GSPT1: variants seen among roughly 807,000 people sequenced by gnomAD.
The protein encoded by GSPT1 is eukaryotic peptide chain release factor GTP-binding subunit ERF3A.
In GSPT1, 20 loss-of-function variants were observed where a neutral mutation model predicts 72.5. That is an observed-to-expected ratio of 0.28 (90% CI 0.19 to 0.40). The LOEUF (loss-of-function observed/expected upper bound fraction) is 0.40, where lower values mean the gene tolerates loss of function less well. Among genes scored for constraint, GSPT1 ranks in the 10% least tolerant of loss-of-function variants. The probability of loss-of-function intolerance (pLI) is 1.00; values close to 1 mark genes in which losing one functional copy is unlikely to be tolerated. For synonymous variants in GSPT1, 334 were observed against 293.5 expected, an observed-to-expected ratio of 1.14 and a Z score of -1.41; for missense variants, 580 against 811.9, an observed-to-expected ratio of 0.71 and a Z score of 3.47.
intron 7 of GSPT1, 87 bp from the exon 8 acceptor site, chr16:11,887,018 CGAG>C: frequency 1.3e-6 from 1 of 796,208 alleles, no homozygotes; most frequent in Non-Finnish European, 1.8e-6. Context: ...AGTTATATCA[CGAG>C]TTTTTTTTTT....
Position 11,915,448 on chromosome 16 carries a change from C to A in GSPT1, c.273G>T (p.Arg91=). 6.5e-7 allele frequency: 1 copy of A among 1,542,368 alleles called. No homozygotes were observed. Among genetic ancestry groups the A allele is most frequent in the Non-Finnish European group, 8.7e-7 (1 of 1,146,930 alleles). The stretch of plus-strand genomic sequence containing the variant: ...CTGGGGGTGGCGGCGCTGCCGGGCC[C>A]CGCAGGAAGGACGGCACGAACTCGG... ...HAAEFVPSFL[R]GPAAPPPPVG... Residue 91 remains arginine (R), a synonymous_variant, in exon 1 of 15, where the codon CGG becomes CGT. Coordinates refer to ENST00000434724, the MANE Select transcript of GSPT1 (RefSeq NM_002094.4).
chr16:11,909,966 T>A (rs2054537343), intron 1 of GSPT1, among the ~76,000 whole-genome samples: 1 of 151,956 alleles, frequency 6.6e-6, no homozygotes, highest in Non-Finnish European at 1.5e-5. Flanking sequence ...GGCGTCATGG[T>A]GGGTGCCTAT....
intron 6 of GSPT1, among the ~76,000 whole-genome samples, chr16:11,890,119 C>T (rs2054240065): frequency 6.6e-6 from 1 of 151,666 alleles, no homozygotes; most frequent in Non-Finnish European, 1.5e-5. Flanking sequence ...TGCCACCTTG[C>T]CCAGCTAATT....
chr16:11,903,967 T>G (rs1271572208), intron 1 of GSPT1: 1 of 205,548 alleles, frequency 4.9e-6, no homozygotes, highest in East Asian at 1.2e-4. Flanking sequence ...CTGCTCAAAA[T>G]CTCATAATTT....
chr16:11,916,444 C>A (rs1292324109), upstream of GSPT1, among the ~76,000 whole-genome samples: 5 of 152,192 alleles, frequency 3.3e-5, no homozygotes, highest in African/African-American at 1.2e-4. Context: ...CCCGAAAATT[C>A]TTGTACTCTC....
intron 6 of GSPT1, among the ~76,000 whole-genome samples, chr16:11,889,632 C>T (rs535728329): frequency 1.6e-4 from 25 of 151,962 alleles, no homozygotes; most frequent in African/African-American, 2.7e-4. Flanking sequence ...CTCAGCCCCC[C>T]GAGTAGCTGG....
chr16:11,888,173 T>C (rs1038141465), intron 6 of GSPT1, among the ~76,000 whole-genome samples: 1 of 144,964 alleles, frequency 6.9e-6, no homozygotes, highest in Non-Finnish European at 1.5e-5. Flanking sequence ...ACAAAGAAAT[T>C]GAAAGAATAG....
chr16:11,915,304 C>G, intron 1 of GSPT1, 65 bp downstream of exon 1: 9 of 1,358,010 alleles, frequency 6.6e-6, no homozygotes, highest in Non-Finnish European at 8.5e-6. Flanking sequence ...GCCCCCGGAC[C>G]GCACCCCTAC....
In GSPT1 at chr16:11,897,990, T is replaced by G. The variant is rs1438070981; in HGVS notation, c.394+4A>C. 3 of 1,546,036 alleles carry G rather than the reference T, an allele frequency of 1.9e-6. No individual in the cohort carries two copies. The highest frequency in any genetic ancestry group is 2.6e-6 in the Non-Finnish European group (3 of 1,139,614). Reference sequence around the variant, plus strand: ...AAGTAGACTTTCAAAGAGTACATCATTACCTTCACACAATGACTGTTCCTC... The same window carrying G: ...AAGTAGACTTTCAAAGAGTACATCAGTACCTTCACACAATGACTGTTCCTC... On this transcript the variant is annotated splice_donor_region_variant and intron_variant, in intron 2 of 14. Transcript: ENST00000434724.
rs1445111229 is a variant in GSPT1 at position 11,877,602 on chromosome 16, G to C, written c.1429-22C>G. 1 of 1,507,698 alleles carries C rather than the reference G, an allele frequency of 6.6e-7. No homozygotes were observed. 93.4% of individuals were successfully genotyped at this position (1,507,698 alleles called of 1,614,324 possible). A position where few individuals can be genotyped will look rare whatever the true frequency, so the allele number is the denominator to read the frequency against. On this transcript the variant is annotated intron_variant, in intron 11 of 14. Transcript: ENST00000434724. This position sits in a 1 kb window ranked among gnomAD's most constrained non-coding sequence, Gnocchi z 4.0. Reference sequence around the variant, plus strand: ...TGTGCTTTAAAAGAAAACAAGACTGGAGGTTTTCTGACACATTCACTGCAT... The same window carrying C: ...TGTGCTTTAAAAGAAAACAAGACTGCAGGTTTTCTGACACATTCACTGCAT...
At chr16:11,888,231 C>G (rs1421663418) in intron 6 of GSPT1, among the ~76,000 whole-genome samples, 1 of 152,052 alleles carries the variant, frequency 6.6e-6, no homozygotes, top group African/African-American at 2.4e-5. Context: ...TTTGGGAGGC[C>G]GAGGCTGGCA....
chr16:11,901,850 C>G (rs903370976), intron 1 of GSPT1, among the ~76,000 whole-genome samples: 1 of 151,438 alleles, frequency 6.6e-6, no homozygotes, highest in South Asian at 2.1e-4. Context: ...AATCCCAGCA[C>G]TTCTGGAGGT....
At chr16:11,892,948 G>C (rs1211692015) in intron 5 of GSPT1, among the ~76,000 whole-genome samples, 1 of 151,070 alleles carries the variant, frequency 6.6e-6, no homozygotes, top group Non-Finnish European at 1.5e-5. Context: ...CCAGTAATAA[G>C]GAAGTTTTGA....
At position 11,915,015 on chromosome 16, in the gene GSPT1, C is replaced by T. The variant is rs143065056; in HGVS notation, c.352+354G>A. The T allele has an allele frequency of 1.0e-4, 131 of 1,289,964 alleles. No individual in the cohort carries two copies. The East Asian group carries it at 4.9e-3, about 48-fold the overall frequency. The allele number at this position is 1,289,964 out of a possible 1,614,324, so 79.9% of individuals were successfully genotyped here. On this transcript the variant is annotated intron_variant, in intron 1 of 14. Transcript: ENST00000434724. Reference sequence around the variant, plus strand: ...CAAATGACTCCTGGCTCCATCTGTCCTCATTCTGCGCCTCGTGGCAGGGAT... The same window carrying T: ...CAAATGACTCCTGGCTCCATCTGTCTTCATTCTGCGCCTCGTGGCAGGGAT...
chr16:11,894,156 A>C (rs886570039), intron 5 of GSPT1, among the ~76,000 whole-genome samples: 1 of 2,774 alleles, frequency 3.6e-4, no homozygotes, highest in African/African-American at 6.4e-4. Context: ...ACCCTATCTC[A>C]AAAAAAAAAA....
intron 10 of GSPT1, among the ~76,000 whole-genome samples, chr16:11,883,844 C>T (rs1487539466): frequency 6.7e-6 from 1 of 150,178 alleles, no homozygotes; most frequent in African/African-American, 2.5e-5. Flanking sequence ...ACCCAGGAGG[C>T]GGAGGTTGCA....
chr16:11,875,166 G>C (rs1056102580), intron 14 of GSPT1, among the ~76,000 whole-genome samples: 2 of 152,062 alleles, frequency 1.3e-5, no homozygotes, highest in African/African-American at 4.8e-5. Flanking sequence ...TCCAGCCTGG[G>C]TGACAGATCG....
intron 5 of GSPT1, among the ~76,000 whole-genome samples, chr16:11,893,040 G>A (rs929201886): frequency 4.0e-5 from 6 of 151,720 alleles, no homozygotes; most frequent in Non-Finnish European, 7.4e-5. Context: ...CAACCATTCC[G>A]TAAATCTAAA....
chr16:11,915,382 C>A lies in GSPT1; in HGVS notation c.339G>T (p.Ala113=), dbSNP rs775853841. ...AANNHGAGSG[A]GGRAAPVESS... ...CCGGGCCTTTACCCGCACGGCCTCCCGCGCCGCTGCCGGCTCCGTGGTTAT... is the reference window on the plus strand; with the variant it reads ...CCGGGCCTTTACCCGCACGGCCTCCAGCGCCGCTGCCGGCTCCGTGGTTAT... Residue 113 remains alanine (A), a synonymous_variant, in exon 1 of 15, where the codon GCG becomes GCT. Coordinates refer to ENST00000434724, the MANE Select transcript of GSPT1 (RefSeq NM_002094.4). 6 of 1,491,106 alleles carry A rather than the reference C, an allele frequency of 4.0e-6. No individual in the cohort carries two copies. The highest frequency in any genetic ancestry group is 4.4e-6 in the Non-Finnish European group (5 of 1,125,934). The allele number at this position is 1,491,106 out of a possible 1,614,324, so 92.4% of individuals were successfully genotyped here. A position where few individuals can be genotyped will look rare whatever the true frequency, so the allele number is the denominator to read the frequency against.
Sources: gnomAD v4.1 joint callset for allele counts (sites outside exome capture counted in the v4.1 genomes callset) on GRCh38, gnomAD v4.1.1 for gene constraint, Gnocchi (gnomAD v3.1) non-coding constraint, MANE v1.5 for transcripts, NCBI Gene and HGNC (gene_info 2026-07-23, HGNC 2026-07-21) for gene names.